Variants in UBR4 observed in about 807,000 individuals in gnomAD.
UBR4 encodes ubiquitin protein ligase E3 component n-recognin 4.
In UBR4, 124 loss-of-function variants were observed where a neutral mutation model predicts 575.6. The ratio of observed to expected loss-of-function variants is 0.22; its 90% CI spans 0.19 to 0.25. The LOEUF (loss-of-function observed/expected upper bound fraction) is 0.25, where lower values mean the gene tolerates loss of function less well. Ranked by LOEUF, UBR4 falls within the 10% of genes least tolerant of loss-of-function variation. The pLI, the probability that UBR4 is intolerant of heterozygous loss-of-function variation, is 1.00. For synonymous variants in UBR4, 2,455 were observed against 2,473.7 expected, an observed-to-expected ratio of 0.99 and a Z score of 0.22; for missense variants, 4,818 against 6,478.8, an observed-to-expected ratio of 0.74 and a Z score of 8.80.
intron 99 of UBR4, among the ~76,000 whole-genome samples, chr1:19,087,577 T>C (rs1044094487): frequency 4.6e-5 from 7 of 152,222 alleles, no homozygotes; most frequent in Non-Finnish European, 5.9e-5. Context: ...GCCTCACATA[T>C]AGGAAGAATC....
At chr1:19,105,529 A>T (rs902248139) in intron 84 of UBR4, among the ~76,000 whole-genome samples, 3 of 152,226 alleles carry the variant, frequency 2.0e-5, no homozygotes, top group African/African-American at 7.2e-5. Flanking sequence ...CTCAAATATT[A>T]GCTGCTGCTG....
In UBR4 at chr1:19,112,700, G is replaced by A. The variant is rs148095267; in HGVS notation, c.11625C>T (p.Cys3875=). The A allele has an allele frequency of 1.4e-3, 2,243 of 1,614,222 alleles. 7 individuals are homozygous for A. Among genetic ancestry groups the A allele is most frequent in the South Asian group, 2.3e-3 (208 of 91,086 alleles). The stretch of plus-strand genomic sequence containing the variant: ...TACAATGTTCTGTGACAGCCGAGGC[G>A]CAGCCATAGCACTTGGTGGAGGATG... ...GHTSSTKCYG[C]ASAVTEHCIT... Residue 3875 remains cysteine, a synonymous_variant, in exon 78 of 106, where the codon TGC becomes TGT. Coordinates refer to ENST00000375254, the MANE Select transcript of UBR4 (RefSeq NM_020765.3).
Position 19,121,214 on chromosome 1 carries a change from T to C in UBR4, c.10116A>G (p.Lys3372=), listed in dbSNP as rs1395340567. 10 of 1,614,134 alleles carry C rather than the reference T, an allele frequency of 6.2e-6. No homozygotes were observed. The highest frequency in any genetic ancestry group is 7.6e-6 in the Non-Finnish European group (9 of 1,180,022). ...CATCTTTCTCCTTTTCTTTTTCTTCTTTCTTGCTCTTTTTAGTGGAAGACT... is the reference window on the plus strand; with the variant it reads ...CATCTTTCTCCTTTTCTTTTTCTTCCTTCTTGCTCTTTTTAGTGGAAGACT... ...QSKSSTKKSK[K]EEKEKEKDGE... Residue 3372 remains lysine (K), a synonymous_variant, in exon 68 of 106, where the codon AAA becomes AAG. Coordinates refer to ENST00000375254, the MANE Select transcript of UBR4 (RefSeq NM_020765.3).
chr1:19,124,686 T>C lies in UBR4; in HGVS notation c.9443A>G (p.His3148Arg), dbSNP rs1261724687. The C allele has an allele frequency of 6.2e-7, 1 of 1,612,002 alleles. No homozygotes were observed. The highest frequency in any genetic ancestry group is 8.5e-7 in the Non-Finnish European group (1 of 1,179,174). The change falls in exon 65 of 106, where the codon CAT (histidine) becomes CGT (arginine). Residue 3148 changes from histidine to arginine, a missense_variant. By Grantham distance (29) the His-to-Arg change is conservative (BLOSUM62 0). This residue lies in a region of UBR4 where 550 missense variants were observed against 791.5 expected (regional missense o/e 0.69). Transcript: ENST00000375254. ...ATAGGCCTCAAACACATCAGCAGCA[T>C]GACCCTGGGAGAAGAAAATTTGCAT... ...PFFLRQYVKG[H>R]AADVFEAYTQ...
Position 19,074,698 on chromosome 1 carries a change from C to G in UBR4, c.*134G>C. The G allele has an allele frequency of 9.5e-7, 1 of 1,057,316 alleles. No individual in the cohort carries two copies. Among genetic ancestry groups the G allele is most frequent in the Non-Finnish European group, 1.4e-6 (1 of 710,120 alleles). 65.5% of individuals were successfully genotyped at this position (1,057,316 alleles called of 1,614,324 possible). ...GAAGCCTAAAAACCCCAAGCCACAC[C>G]AAGAAAAATGAGAGAGGGGAGGGCG... is the stretch of plus-strand genomic sequence containing the variant. On this transcript the variant is annotated 3_prime_UTR_variant, in exon 106 of 106. Coordinates refer to ENST00000375254, the MANE Select transcript of UBR4 (RefSeq NM_020765.3).
chr1:19,148,337 A>G (rs1377221488), intron 50 of UBR4, among the ~76,000 whole-genome samples: 1 of 152,198 alleles, frequency 6.6e-6, no homozygotes, highest in Non-Finnish European at 1.5e-5. Flanking sequence ...GATTCCCAGA[A>G]CAGTGTTCTT....
intron 58 of UBR4, among the ~76,000 whole-genome samples, chr1:19,140,369 T>C (rs950732748): frequency 1.3e-5 from 2 of 152,250 alleles, no homozygotes; most frequent in South Asian, 2.1e-4. Flanking sequence ...TTCTGAAGTA[T>C]AATCTAGCTT....
intron 102 of UBR4, 44 bp from the exon 103 acceptor site, chr1:19,081,617 A>G (rs565112935): frequency 3.5e-5 from 56 of 1,603,176 alleles, no homozygotes; most frequent in Non-Finnish European, 4.5e-5. Context: ...GGGTGGAAGC[A>G]GGACCCGGCA....
intron 17 of UBR4, 67 bp from the exon 18 acceptor site, chr1:19,179,287 T>G (rs1280557543): frequency 6.3e-6 from 9 of 1,436,562 alleles, no homozygotes; most frequent in Non-Finnish European, 8.2e-6. Flanking sequence ...AGGTTACTCA[T>G]GTTCTCAAAC....
At position 19,167,935 on chromosome 1, in the gene UBR4, A is replaced by G. The variant is rs1474487230; in HGVS notation, c.3899+92T>C. 10 of 1,327,812 alleles carry G rather than the reference A, an allele frequency of 7.5e-6. No homozygotes were observed. In the East Asian group the frequency reaches 1.8e-4, roughly 24 times the overall value. The allele number at this position is 1,327,812 out of a possible 1,614,324, so 82.3% of individuals were successfully genotyped here. On this transcript the variant is annotated intron_variant, in intron 28 of 105. Coordinates refer to ENST00000375254, the MANE Select transcript of UBR4 (RefSeq NM_020765.3). ...TTGCTAAAGAAGTATATAAGAAAGC[A>G]TTACTACATAGTTATAAAACTCTCA...
intron 81 of UBR4, among the ~76,000 whole-genome samples, chr1:19,108,241 G>A (rs753715578): frequency 1.3e-5 from 2 of 152,024 alleles, no homozygotes; most frequent in South Asian, 2.1e-4. Context: ...TCTTTTACCC[G>A]GCAGGATACT....
In UBR4 at chr1:19,198,061, CA is replaced by C; in HGVS notation, c.649-13del. The C allele has an allele frequency of 1.2e-6, 2 of 1,612,092 alleles. No individual in the cohort carries two copies. Among genetic ancestry groups the C allele is most frequent in the South Asian group, 2.2e-5 (2 of 91,048 alleles). ...TTTTCTCCTTCCACCTGAAAAGAAACATAAGGCCTGTCAAGATACTATTATC... is the reference window on the plus strand; with the variant it reads ...TTTTCTCCTTCCACCTGAAAAGAAACTAAGGCCTGTCAAGATACTATTATC... On this transcript the variant is annotated splice_polypyrimidine_tract_variant and intron_variant, in intron 5 of 105. Coordinates refer to ENST00000375254, the MANE Select transcript of UBR4 (RefSeq NM_020765.3).
intron 22 of UBR4, 108 bp from the exon 23 acceptor site, chr1:19,173,729 T>G (rs970541148): frequency 9.3e-7 from 1 of 1,080,832 alleles, no homozygotes; most frequent in African/African-American, 1.6e-5. Flanking sequence ...CTGTATAGAG[T>G]CCTGATTTTA....
At chr1:19,090,020 T>C (rs948921342) in intron 97 of UBR4, among the ~76,000 whole-genome samples, 1 of 152,206 alleles carries the variant, frequency 6.6e-6, no homozygotes, top group Non-Finnish European at 1.5e-5. Flanking sequence ...ATTCTAGTTA[T>C]TAATAGGACA....
rs1329820025 is a variant in UBR4 at position 19,146,095 on chromosome 1, G to GA, written c.7805-163dup. ...CCTAGACTCCAGCAGGCACATCTAG[G>GA]AAAAAAACAGTCTGGGAAAGGAATA... On this transcript the variant is annotated intron_variant, in intron 52 of 105. Coordinates refer to ENST00000375254, the MANE Select transcript of UBR4 (RefSeq NM_020765.3). 26 of 1,548,462 alleles carry GA rather than the reference G, an allele frequency of 1.7e-5. No homozygotes were observed. The East Asian group carries it at 6.4e-4, about 38-fold the overall frequency.
intron 11 of UBR4, among the ~76,000 whole-genome samples, chr1:19,189,067 CCAATA>C (rs1195407138): frequency 1.3e-5 from 2 of 151,966 alleles, no homozygotes; most frequent in Non-Finnish European, 2.9e-5. Context: ...ATACAAATGA[CCAATA>C]AATAGGTGAA....
rs752981580 is a variant in UBR4, at chr1:19,192,468, A to G, written c.1203+13T>C. 1 of 1,614,174 alleles carries G rather than the reference A, an allele frequency of 6.2e-7. No homozygotes were observed. Among genetic ancestry groups the G allele is most frequent in the Non-Finnish European group, 8.5e-7 (1 of 1,180,020 alleles). ...GATAGGAAGTATGCAGCAGAGACAG[A>G]TACGCTTCTTACCTCACCACCAGCC... is the stretch of plus-strand genomic sequence containing the variant. On this transcript the variant is annotated intron_variant, in intron 10 of 105. Coordinates refer to ENST00000375254, the MANE Select transcript of UBR4 (RefSeq NM_020765.3).
chr1:19,077,744 A>C (rs1430562555), intron 104 of UBR4: 2 of 1,450,334 alleles, frequency 1.4e-6, no homozygotes, highest in Non-Finnish European at 1.8e-6. Context: ...AAAAAAACCA[A>C]ACCAAACCAA....
chr1:19,150,909 G>C (rs1044175470), intron 48 of UBR4, 116 bp from the exon 49 acceptor site: 30 of 990,166 alleles, frequency 3.0e-5, no homozygotes, highest in Non-Finnish European at 4.2e-5. Flanking sequence ...TATAGACATA[G>C]AGAAACTTTA....
Sources: gnomAD v4.1 joint callset for allele counts (sites outside exome capture counted in the v4.1 genomes callset) on GRCh38, gnomAD v4.1.1 for gene constraint, gnomAD v4.1.1 regional missense constraint, MANE v1.5 for transcripts, NCBI Gene and HGNC (gene_info 2026-07-23, HGNC 2026-07-21) for gene names.